SLC9A2: variants seen among roughly 807,000 people sequenced by gnomAD.
SLC9A2 encodes the protein sodium/hydrogen exchanger 2.
In SLC9A2, 42 loss-of-function variants were observed where a neutral mutation model predicts 71.7. The ratio of observed to expected loss-of-function variants is 0.59; its 90% CI spans 0.46 to 0.76. The LOEUF (loss-of-function observed/expected upper bound fraction) is 0.76, where lower values mean the gene tolerates loss of function less well. Ranked by LOEUF, SLC9A2 falls within the 30% of genes least tolerant of loss-of-function variation. SLC9A2 has a pLI of 0.00. For missense variants in SLC9A2, 829 were observed against 1,017.4 expected, an observed-to-expected ratio of 0.81 and a Z score of 2.52; for synonymous variants, 396 against 392.5, an observed-to-expected ratio of 1.01 and a Z score of -0.10.
intron 3 of SLC9A2, among the ~76,000 whole-genome samples, chr2:102,679,443 G>A (rs554041847): frequency 8.1e-4 from 122 of 150,976 alleles, no homozygotes; most frequent in Admixed American, 2.2e-3. Flanking sequence ...GTGCAGTGGC[G>A]CGATCTCAGC....
chr2:102,685,385 T>C (rs1200831136), intron 5 of SLC9A2, among the ~76,000 whole-genome samples: 1 of 152,116 alleles, frequency 6.6e-6, no homozygotes, highest in Admixed American at 6.5e-5. Context: ...ATGGAAGCCA[T>C]TAGAGAGTGT....
At chr2:102,628,294 C>A (rs1185009984) in intron 1 of SLC9A2, among the ~76,000 whole-genome samples, 1 of 152,078 alleles carries the variant, frequency 6.6e-6, no homozygotes, top group Non-Finnish European at 1.5e-5. Context: ...AAGTAGGAAA[C>A]CATGGGTGTT....
intron 7 of SLC9A2, among the ~76,000 whole-genome samples, chr2:102,696,451 C>A (rs1677771594): frequency 6.6e-6 from 1 of 152,134 alleles, no homozygotes; most frequent in Non-Finnish European, 1.5e-5. Flanking sequence ...CAACTTAACA[C>A]AAGGGAATTT....
chr2:102,630,284 G>A (rs757934248), intron 1 of SLC9A2, among the ~76,000 whole-genome samples: 23 of 151,908 alleles, frequency 1.5e-4, no homozygotes, highest in Non-Finnish European at 2.7e-4. Flanking sequence ...TTCAGGGAAG[G>A]CTTTAGTCTT....
At chr2:102,629,506 C>A (rs1258482751) in intron 1 of SLC9A2, among the ~76,000 whole-genome samples, 3 of 152,006 alleles carry the variant, frequency 2.0e-5, no homozygotes, top group African/African-American at 7.2e-5. Context: ...GATTTTGCAT[C>A]TTTAATTTCA....
intron 1 of SLC9A2, among the ~76,000 whole-genome samples, chr2:102,651,072 A>C (rs1676822756): frequency 6.6e-6 from 1 of 152,140 alleles, no homozygotes; most frequent in Non-Finnish European, 1.5e-5. Flanking sequence ...TCTGTCTCAC[A>C]TCCTTTATCC....
At position 102,668,808 on chromosome 2, in the gene SLC9A2, C is replaced by T. The variant is rs535311168; in HGVS notation, c.1004+3458C>T. Among the ~76,000 whole-genome samples, 6 of 152,314 alleles carry T rather than the reference C, an allele frequency of 3.9e-5. 1 individual carries two copies. The South Asian group carries it at 8.3e-4, about 21-fold the overall frequency. On this transcript the variant is annotated intron_variant, in intron 3 of 11. Coordinates refer to ENST00000233969, the MANE Select transcript of SLC9A2 (RefSeq NM_003048.6). Reference sequence around the variant, plus strand: ...CTCTCCTCCATCTCTCCCTCCTCCACCTTCTACCATTCATCCTTCCTTCTG... The same window carrying T: ...CTCTCCTCCATCTCTCCCTCCTCCATCTTCTACCATTCATCCTTCCTTCTG...
At chr2:102,694,527 A>T in intron 6 of SLC9A2, 24 bp downstream of exon 6, 1 of 1,199,366 alleles carries the variant, frequency 8.3e-7, no homozygotes, top group Non-Finnish European at 1.2e-6. Flanking sequence ...GAGTGTAATA[A>T]TTTTAATGAT....
chr2:102,708,518 C>T lies in SLC9A2; in HGVS notation c.*29C>T, dbSNP rs959748586. The T allele has an allele frequency of 2.5e-6, 4 of 1,598,820 alleles. No homozygotes were observed. Among genetic ancestry groups the T allele is most frequent in the Non-Finnish European group, 3.4e-6 (4 of 1,172,350 alleles). On this transcript the variant is annotated 3_prime_UTR_variant, in exon 12 of 12. Coordinates refer to ENST00000233969, the MANE Select transcript of SLC9A2 (RefSeq NM_003048.6). Reference sequence around the variant, plus strand: ...AAGCAGCGAAAGCAGATCTGAGTGTCTGACCCAGGACAGCTGTGGTTTGTC... The same window carrying T: ...AAGCAGCGAAAGCAGATCTGAGTGTTTGACCCAGGACAGCTGTGGTTTGTC...
rs199718995 is a variant in SLC9A2 at position 102,620,028 on chromosome 2, G to C, written c.180G>C (p.Thr60=). ...PSPASVVAPG[T]TLFEESRLPV... Reference sequence around the variant, plus strand: ...CTGCGAGCGTGGTGGCTCCCGGAACGACGCTGTTCGAGGAGAGCCGGCTGC... The same window carrying C: ...CTGCGAGCGTGGTGGCTCCCGGAACCACGCTGTTCGAGGAGAGCCGGCTGC... The change falls in exon 1 of 12, where the codon ACG becomes ACC. Residue 60 remains threonine (T), a synonymous_variant. Coordinates refer to ENST00000233969, the MANE Select transcript of SLC9A2 (RefSeq NM_003048.6). The C allele has an allele frequency of 3.1e-6, 5 of 1,613,990 alleles. No homozygotes were observed. The Admixed American group carries it at 6.7e-5, about 22-fold the overall frequency.
At chr2:102,693,394 G>C (rs1677699969) in intron 5 of SLC9A2, among the ~76,000 whole-genome samples, 1 of 152,122 alleles carries the variant, frequency 6.6e-6, no homozygotes, top group African/African-American at 2.4e-5. Flanking sequence ...GAGACAGACA[G>C]AGCATCCTTG....
intron 1 of SLC9A2, among the ~76,000 whole-genome samples, chr2:102,632,045 CACACACATATATAT>C (rs1379042618): frequency 8.2e-5 from 8 of 97,106 alleles, no homozygotes; most frequent in African/African-American, 3.2e-4. Flanking sequence ...TATACATACA[CACACACATATATAT>C]ACACACACAT....
intron 1 of SLC9A2, among the ~76,000 whole-genome samples, chr2:102,657,076 G>A (rs542450626): frequency 2.0e-5 from 3 of 152,016 alleles, no homozygotes; most frequent in South Asian, 2.1e-4. Flanking sequence ...ATGGTGGTGC[G>A]TGCCTATAAT....
At position 102,710,637 on chromosome 2, in the gene SLC9A2, G is replaced by A. The variant is rs1198256170; in HGVS notation, c.*2148G>A. 2.0e-5 allele frequency: 3 copies of A among 152,066 alleles called. No homozygotes were observed. In the East Asian group the frequency reaches 5.7e-4, roughly 29 times the overall value. 9.4% of individuals were successfully genotyped at this position (152,066 alleles called of 1,614,324 possible). A position where few individuals can be genotyped will look rare whatever the true frequency, so the allele number is the denominator to read the frequency against. On this transcript the variant is annotated 3_prime_UTR_variant, in exon 12 of 12. Transcript: ENST00000233969. The stretch of plus-strand genomic sequence containing the variant: ...TTTTTTTTGTTTGTTGAATGACAAA[G>A]GCAATAAAAATAAATTTGACTTTAG...
intron 3 of SLC9A2, among the ~76,000 whole-genome samples, chr2:102,668,567 T>C (rs536253384): frequency 1.3e-5 from 2 of 152,316 alleles, no homozygotes; most frequent in South Asian, 2.1e-4. Context: ...TCTTTTACCA[T>C]TTATAAACCA....
At chr2:102,643,308 G>T (rs1185990173) in intron 1 of SLC9A2, among the ~76,000 whole-genome samples, 1 of 152,156 alleles carries the variant, frequency 6.6e-6, no homozygotes, top group Non-Finnish European at 1.5e-5. Flanking sequence ...AAGCCAGGGT[G>T]TTCCTTACAC....
At chr2:102,640,074 C>G (rs1676545619) in intron 1 of SLC9A2, among the ~76,000 whole-genome samples, 1 of 152,198 alleles carries the variant, frequency 6.6e-6, no homozygotes, top group African/African-American at 2.4e-5. Flanking sequence ...GCATTGGAGT[C>G]TCCAGTTAAA....
intron 3 of SLC9A2, among the ~76,000 whole-genome samples, chr2:102,666,406 C>T (rs182732003): frequency 6.2e-4 from 95 of 152,136 alleles, no homozygotes; most frequent in Non-Finnish European, 1.2e-3. Flanking sequence ...ACCGTGTGAG[C>T]CAGTATGGTC....
chr2:102,660,067 A>G (rs1677021656), intron 2 of SLC9A2, among the ~76,000 whole-genome samples: 1 of 152,200 alleles, frequency 6.6e-6, no homozygotes, highest in South Asian at 2.1e-4. Flanking sequence ...TTTGTCCCAA[A>G]TCAGATCTCA....
Sources: gnomAD v4.1 joint callset for allele counts (sites outside exome capture counted in the v4.1 genomes callset) on GRCh38, gnomAD v4.1.1 for gene constraint, MANE v1.5 for transcripts, NCBI Gene and HGNC (gene_info 2026-07-23, HGNC 2026-07-21) for gene names.